The following PRR4 variants were observed in gnomAD, a reference collection of about 807,000 sequenced individuals.
PRR4 encodes proline rich 4, also known as proline-rich protein 4.
Under a neutral mutation model 7.6 loss-of-function variants are expected in PRR4, and 7 were observed. The observed-to-expected ratio is 0.92, with a 90% CI of 0.52 to 1.73. The LOEUF is 1.73. Among genes scored for constraint, PRR4 ranks in the 40% most tolerant of loss-of-function variants. The pLI is 0.00. For synonymous variants in PRR4, 64 were observed against 58.5 expected (o/e 1.09, Z -0.43); for missense variants, 187 against 161.0 (o/e 1.16, Z -0.87).
chr12:10,848,772 A>G (rs1000031797), intron 1 of PRR4: 3 of 218,166 alleles, frequency 1.4e-5, no homozygotes, highest in Non-Finnish European at 2.7e-5. Flanking sequence ...AAGAGGAGCA[A>G]CCAGGAGTAA....
At chr12:10,848,837 T>C (rs1949058050) in intron 1 of PRR4, 2 of 164,590 alleles carry the variant, frequency 1.2e-5, no homozygotes, top group African/African-American at 4.8e-5. Context: ...ATTTTAAATG[T>C]GATTGGAAGA....
intron 3 of PRR4, among the ~76,000 whole-genome samples, chr12:10,846,177 C>T (rs1321613102): frequency 6.6e-6 from 1 of 152,058 alleles, no homozygotes; most frequent in East Asian, 1.9e-4. Context: ...TACAAGCCTA[C>T]ATATCAATTA....
Position 10,845,945 on chromosome 12 carries a change from T to C in PRR4, c.*24A>G. On this transcript the variant is annotated 3_prime_UTR_variant, in exon 4 of 4. Coordinates refer to ENST00000228811, the MANE Select transcript of PRR4 (RefSeq NM_007244.3). ...TTCTGAAGGAAGTTATCTTCTTATT[T>C]ATTTTCTGAAACAAAAAAAAAAACC... 2.2e-6 allele frequency: 3 copies of C among 1,340,716 alleles called. 1 individual carries two copies. The South Asian group carries it at 5.5e-5, about 24-fold the overall frequency. The allele number at this position is 1,340,716 out of a possible 1,614,324, so 83.1% of individuals were successfully genotyped here. A position where few individuals can be genotyped will look rare whatever the true frequency, so the allele number is the denominator to read the frequency against.
intron 2 of PRR4, 123 bp from the exon 3 acceptor site, chr12:10,847,490 C>A: frequency 1.6e-6 from 1 of 624,596 alleles, no homozygotes; most frequent in Non-Finnish European, 2.4e-6. Context: ...TGACTGTCAA[C>A]TTCTTTTGTG....
At chr12:10,848,615 A>G in intron 1 of PRR4, 1 of 451,340 alleles carries the variant, frequency 2.2e-6, no homozygotes. Flanking sequence ...CCACGAATTC[A>G]ATAGAAGAGT....
intron 1 of PRR4, 97 bp from the exon 2 acceptor site, chr12:10,848,504 G>A: frequency 8.8e-7 from 1 of 1,141,044 alleles, no homozygotes; most frequent in Non-Finnish European, 1.3e-6. Flanking sequence ...GCCACACCCT[G>A]TGCATCCCCT....
chr12:10,849,438 C>T lies in PRR4; in HGVS notation c.-1G>A. ...CCACTGAGAGCAGGACCAGCAGCAT[C>T]TTGAAGGAGGCTCTGGAGTTGCTCC... On this transcript the variant is annotated 5_prime_UTR_variant, in exon 1 of 4. Transcript: ENST00000228811. 1 of 1,604,186 alleles carries T rather than the reference C, an allele frequency of 6.2e-7. No homozygotes were observed. The highest frequency in any genetic ancestry group is 8.5e-7 in the Non-Finnish European group (1 of 1,174,750).
intron 1 of PRR4, 129 bp from the exon 2 acceptor site, chr12:10,848,536 T>C (rs1307737608): frequency 2.6e-6 from 2 of 756,532 alleles, no homozygotes; most frequent in Non-Finnish European, 4.2e-6. Context: ...TCAACCATGT[T>C]CTGTGAAGCT....
chr12:10,846,988 A>T, intron 3 of PRR4, 57 bp downstream of exon 3: 1 of 1,387,866 alleles, frequency 7.2e-7, no homozygotes. Flanking sequence ...TGAACACGAT[A>T]AAGTTTGGGA....
chr12:10,849,343 A>ATC, intron 1 of PRR4, 31 bp downstream of exon 1: 1 of 1,472,388 alleles, frequency 6.8e-7, no homozygotes, highest in Non-Finnish European at 9.2e-7. Context: ...CCCACTCCCC[A>ATC]TCTCCTTTTT....
At chr12:10,848,609 G>T in intron 1 of PRR4, 1 of 472,384 alleles carries the variant, frequency 2.1e-6, no homozygotes, top group Non-Finnish European at 3.7e-6. Flanking sequence ...CATCAACCAC[G>T]AATTCAATAG....
At chr12:10,849,221 G>A (rs945757616) in intron 1 of PRR4, 153 bp downstream of exon 1, 4 of 381,690 alleles carry the variant, frequency 1.0e-5, no homozygotes, top group African/African-American at 8.0e-5. Flanking sequence ...TCCTTGGAAT[G>A]AGAGCTCCAA....
chr12:10,847,118 G>A lies in PRR4; in HGVS notation c.350C>T (p.Ser117Leu), dbSNP rs768601058. Residue 117 changes from serine to leucine, a missense_variant, in exon 3 of 4, where the codon TCA (serine) becomes TTA (leucine). Transcript: ENST00000228811. ...TGCTGGTCTGTCCCTCTGGAAGAAT[G>A]ATGATGCTTCCTGCAGGCTGACAGA... ...FPSVSLQEAS[S>L]FFQRDRPARH... The A allele has an allele frequency of 6.2e-7, 1 of 1,612,878 alleles. No individual in the cohort carries two copies. Among genetic ancestry groups the A allele is most frequent in the South Asian group, 1.1e-5 (1 of 90,802 alleles).
intron 1 of PRR4, 85 bp from the exon 2 acceptor site, chr12:10,848,492 T>C: frequency 1.5e-6 from 2 of 1,309,286 alleles, no homozygotes; most frequent in Non-Finnish European, 2.2e-6. Context: ...AGGGGTCTTC[T>C]GGCCACACCC....
rs200531329 is a variant in PRR4, at chr12:10,847,317, G to T, written c.151C>A (p.Pro51Thr). 2.6e-5 allele frequency: 42 copies of T among 1,586,792 alleles called. No homozygotes were observed. The African/African-American group carries it at 5.4e-4, about 20-fold the overall frequency. The change falls in exon 3 of 4, where the codon CCT becomes ACT. Residue 51 changes from proline to threonine, a missense_variant. Physicochemically the swap from Pro to Thr is conservative, Grantham distance 38. Transcript: ENST00000228811. Reference sequence around the variant, plus strand: ...GGGGGTCTAGGTAGGAGTCCTTCAGGAGGAGGTCTCTGGGGTCCCTGATCT... The same window carrying T: ...GGGGGTCTAGGTAGGAGTCCTTCAGTAGGAGGTCTCTGGGGTCCCTGATCT... ...RPDQGPQRPPPEGLLPRPPGD... is the reference protein window; with the variant it reads ...RPDQGPQRPPTEGLLPRPPGD...
In PRR4 at chr12:10,845,856, C is replaced by T. The variant is rs1031173491; in HGVS notation, c.*113G>A. On this transcript the variant is annotated 3_prime_UTR_variant, in exon 4 of 4. Coordinates refer to ENST00000228811, the MANE Select transcript of PRR4 (RefSeq NM_007244.3). ...AGAAGCAACAATCAGAAATTGCATG[C>T]TATTAATATTTTATTGGTATACTGA... The T allele has an allele frequency of 1.3e-5, 13 of 988,492 alleles. No individual in the cohort carries two copies. Among genetic ancestry groups the T allele is most frequent in the African/African-American group, 1.7e-5 (1 of 59,732 alleles). 61.2% of individuals were successfully genotyped at this position (988,492 alleles called of 1,614,324 possible). A position where few individuals can be genotyped will look rare whatever the true frequency, so the allele number is the denominator to read the frequency against.
At chr12:10,848,585 T>C in intron 1 of PRR4, 178 bp from the exon 2 acceptor site, 1 of 518,524 alleles carries the variant, frequency 1.9e-6, no homozygotes. Flanking sequence ...GGCAGGATTG[T>C]TACTATCGCT....
chr12:10,848,459 G>A, intron 1 of PRR4, 52 bp from the exon 2 acceptor site: 2 of 1,563,002 alleles, frequency 1.3e-6, no homozygotes, highest in African/African-American at 1.4e-5. Context: ...AATCTTTCAG[G>A]GCTCATAGTG....
chr12:10,848,300 T>C lies in PRR4; in HGVS notation c.100+72A>G, dbSNP rs376723671. The C allele has an allele frequency of 6.8e-6, 10 of 1,476,408 alleles. No individual in the cohort carries two copies. In the African/African-American group the frequency reaches 1.1e-4, roughly 17 times the overall value. 91.5% of individuals were successfully genotyped at this position (1,476,408 alleles called of 1,614,324 possible). A position where few individuals can be genotyped will look rare whatever the true frequency, so the allele number is the denominator to read the frequency against. ...CAAAAAAATGATGAGAAGAAGACAC[T>C]GAAGGAAACTAAAAAGAAATTCTAG... On this transcript the variant is annotated intron_variant, in intron 2 of 3. Coordinates refer to ENST00000228811, the MANE Select transcript of PRR4 (RefSeq NM_007244.3).
Sources: allele counts gnomAD v4.1 joint callset (sites outside exome capture counted in the v4.1 genomes callset), GRCh38; gene constraint gnomAD v4.1.1; transcripts MANE v1.5; gene names NCBI Gene and HGNC (gene_info 2026-07-23, HGNC 2026-07-21).